SDAD1: variants seen among roughly 807,000 people sequenced by gnomAD.
The protein encoded by SDAD1 is SDA1 domain containing 1.
SDAD1 carries 79 observed loss-of-function variants against 100.3 expected under a neutral mutation model. The ratio of observed to expected loss-of-function variants is 0.79; its 90% confidence interval spans 0.66 to 0.95. The LOEUF (loss-of-function observed/expected upper bound fraction) is 0.95. Ranked by LOEUF, SDAD1 falls within the 40% of genes least tolerant of loss-of-function variation. SDAD1 has a pLI of 0.00. For missense variants in SDAD1, 790 were observed against 810.9 expected, an observed-to-expected ratio of 0.97 and a Z score of 0.31; for synonymous variants, 267 against 271.4, an observed-to-expected ratio of 0.98 and a Z score of 0.16.
chr4:75,971,218 T>C, intron 9 of SDAD1, 139 bp downstream of exon 9: 2 of 612,176 alleles, frequency 3.3e-6, no homozygotes, highest in Non-Finnish European at 5.7e-6. Flanking sequence ...TCTAAAATAT[T>C]AGTGCTTAAA....
chr4:75,978,982 G>GAAAAAAAAAAAAAAAAAAAAAA lies in SDAD1; in HGVS notation c.295-1248_295-1227dup, dbSNP rs538009004. On this transcript the variant is annotated intron_variant, in intron 3 of 21. Coordinates refer to ENST00000356260, the MANE Select transcript of SDAD1 (RefSeq NM_018115.4). ...CAGCTGAGTGACAGACCCTGTCTCAGAAAAAAAAAAAAAAAAAAAAAAAAA... is the reference window on the plus strand; with the variant it reads ...CAGCTGAGTGACAGACCCTGTCTCAGAAAAAAAAAAAAAAAAAAAAAAAAAAAAAAAAAAAAAAAAAAAAAAA... Among the ~76,000 whole-genome samples the GAAAAAAAAAAAAAAAAAAAAAA allele has an allele frequency of 2.4e-4, 9 of 38,064 alleles. 1 individual carries two copies. Among genetic ancestry groups the GAAAAAAAAAAAAAAAAAAAAAA allele is most frequent in the South Asian group, 1.9e-3 (1 of 534 alleles). 25.0% of individuals were successfully genotyped at this position (38,064 alleles called of 152,430 possible).
At chr4:75,986,619 C>T (rs981643998) in intron 1 of SDAD1, among the ~76,000 whole-genome samples, 1 of 152,194 alleles carries the variant, frequency 6.6e-6, no homozygotes, top group Non-Finnish European at 1.5e-5. Context: ...AAGGTCTTTG[C>T]TTCACTAGTC....
At chr4:75,967,672 G>A (rs577339595) in intron 11 of SDAD1, among the ~76,000 whole-genome samples, 1 of 152,296 alleles carries the variant, frequency 6.6e-6, no homozygotes, top group South Asian at 2.1e-4. Context: ...AAGGAGAGGG[G>A]ATTATAGGAA....
At chr4:75,962,988 A>G (rs1377836634) in intron 14 of SDAD1, among the ~76,000 whole-genome samples, 1 of 152,134 alleles carries the variant, frequency 6.6e-6, no homozygotes, top group Non-Finnish European at 1.5e-5. Flanking sequence ...CCTGAATGGT[A>G]TTGCCTAGGT....
Position 75,984,778 on chromosome 4 carries a change from AACACACACACACAC to A in SDAD1, c.91-2755_91-2742del, listed in dbSNP as rs35320227. On this transcript the variant is annotated intron_variant, in intron 1 of 21. Transcript: ENST00000356260. ...TATGTGACATACACACACACACACAAACACACACACACACACACACACACACACACACACTCTTT... is the reference window on the plus strand; with the variant it reads ...TATGTGACATACACACACACACACAAACACACACACACACACACACTCTTT... Among the ~76,000 whole-genome samples, 796 of 137,024 alleles carry A rather than the reference AACACACACACACAC, an allele frequency of 5.8e-3. 8 individuals are homozygous for A. Among genetic ancestry groups the A allele is most frequent in the Admixed American group, 9.0e-3 (123 of 13,712 alleles). The allele number at this position is 137,024 out of a possible 152,430, so 89.9% of individuals were successfully genotyped here. A position where few individuals can be genotyped will look rare whatever the true frequency, so the allele number is the denominator to read the frequency against.
Position 75,977,710 on chromosome 4 carries a change from T to C in SDAD1, c.341A>G (p.Asn114Ser), listed in dbSNP as rs144245634. 49 of 1,613,334 alleles carry C rather than the reference T, an allele frequency of 3.0e-5. 1 individual carries two copies. In the South Asian group the frequency reaches 4.3e-4, roughly 14 times the overall value. Residue 114 changes from asparagine (N) to serine (S), a missense_variant, in exon 4 of 22, where the codon AAT becomes AGT. By Grantham distance (46) the Asn-to-Ser change is conservative. Transcript: ENST00000356260. ...LILLRNKNLI[N>S]PSSLLELFFE... is the part of the protein sequence containing the mutation. ...GAAGAGTTCTAGCAGGCTTGATGGA[T>C]TGATGAGATTCTTATTTCTCAGCAA...
chr4:75,952,894 T>C (rs968761825), intron 21 of SDAD1, among the ~76,000 whole-genome samples: 8 of 152,272 alleles, frequency 5.3e-5, no homozygotes, highest in African/African-American at 1.9e-4. Context: ...ATTTTAGATA[T>C]ACTGGGTTAA....
intron 21 of SDAD1, among the ~76,000 whole-genome samples, chr4:75,952,628 G>C (rs190953556): frequency 6.6e-6 from 1 of 152,090 alleles, no homozygotes; most frequent in Non-Finnish European, 1.5e-5. Context: ...AGGGTAGGGG[G>C]GTGTGTGAAG....
chr4:75,987,498 T>A (rs1468125106), intron 1 of SDAD1, among the ~76,000 whole-genome samples: 1 of 151,714 alleles, frequency 6.6e-6, no homozygotes, highest in Non-Finnish European at 1.5e-5. Flanking sequence ...ATGTCGCTAA[T>A]TTTTTTTTGT....
intron 11 of SDAD1, among the ~76,000 whole-genome samples, chr4:75,968,442 AATG>A (rs1446342514): frequency 6.6e-6 from 1 of 152,190 alleles, no homozygotes; most frequent in African/African-American, 2.4e-5. Flanking sequence ...ACGAGATCAA[AATG>A]ATAAGGAAAA....
At chr4:75,958,401 G>C (rs1341642101) in intron 17 of SDAD1, among the ~76,000 whole-genome samples, 2 of 152,322 alleles carry the variant, frequency 1.3e-5, no homozygotes, top group East Asian at 3.9e-4. Context: ...CCACGTATGA[G>C]AATCTAGTTA....
chr4:75,986,214 G>C (rs1032081204), intron 1 of SDAD1, among the ~76,000 whole-genome samples: 1 of 152,134 alleles, frequency 6.6e-6, no homozygotes, highest in Admixed American at 6.5e-5. Flanking sequence ...AAACTCCTGG[G>C]TTTAATCAAT....
At chr4:75,990,244 G>A (rs1731161326) in intron 1 of SDAD1, among the ~76,000 whole-genome samples, 1 of 147,180 alleles carries the variant, frequency 6.8e-6, no homozygotes, top group South Asian at 2.2e-4. Flanking sequence ...AATATACTAA[G>A]CTCCCGAGTC....
At chr4:75,971,523 C>G (rs1729867937) in intron 8 of SDAD1, 65 bp from the exon 9 acceptor site, 1 of 1,158,158 alleles carries the variant, frequency 8.6e-7, no homozygotes, top group African/African-American at 1.5e-5. Flanking sequence ...AAAGAGTAAA[C>G]CTTTCAGCCA....
rs34627298 is a variant in SDAD1 at position 75,960,080 on chromosome 4, G to T, written c.1469C>A (p.Ala490Asp). The change falls in exon 17 of 22, where the codon GCT (alanine) becomes GAT (aspartate). Residue 490 changes from alanine to aspartate, a missense_variant. Ala to Asp is a moderately radical substitution (Grantham distance 126, BLOSUM62 -2). Coordinates refer to ENST00000356260, the MANE Select transcript of SDAD1 (RefSeq NM_018115.4). ...EVLEVEKEEN[A>D]ENDEDGWEST... ...TAAAAATCAACCTTCATCATTTTCA[G>T]CATTCTCTTCTTTCTCAACTTCCAG... 163,850 of 1,607,470 alleles carry T rather than the reference G, an allele frequency of 0.1. 9,170 individuals are homozygous for T. The highest frequency in any genetic ancestry group is 0.17 in the South Asian group (15,232 of 90,068).
chr4:75,977,895 T>C (rs768961094), intron 3 of SDAD1, 139 bp from the exon 4 acceptor site: 125 of 600,502 alleles, frequency 2.1e-4, no homozygotes, highest in Admixed American at 3.5e-4. Flanking sequence ...GTCTCTGCCT[T>C]CATGGAGCTT....
chr4:75,952,283 G>A (rs1050936232), intron 21 of SDAD1, among the ~76,000 whole-genome samples: 2 of 152,194 alleles, frequency 1.3e-5, no homozygotes, highest in African/African-American at 4.8e-5. Context: ...CTCATGCTAA[G>A]AACTAAATGT....
Position 75,957,697 on chromosome 4 carries a change from C to T in SDAD1, c.1590G>A (p.Leu530=). The change falls in exon 19 of 22, where the codon CTG becomes CTA. Residue 530 remains leucine (L), a synonymous_variant. Transcript: ENST00000356260. ...DEEQQEISKK[L]NSMPMEERKA... ...TCCGCTCCTCCATGGGCATGCTGTT[C>T]AGCTTCTTGGACTTGAAACCACACA... 6.2e-7 allele frequency: 1 copy of T among 1,614,184 alleles called. No homozygotes were observed. The highest frequency in any genetic ancestry group is 2.2e-5 in the East Asian group (1 of 44,892).
At chr4:75,976,062 A>G in intron 4 of SDAD1, 67 bp from the exon 5 acceptor site, 2 of 1,004,250 alleles carry the variant, frequency 2.0e-6, no homozygotes, top group South Asian at 2.9e-5. Context: ...CTAAATTTGG[A>G]GAACAGTATG....
Sources: gnomAD v4.1 joint callset for allele counts (sites outside exome capture counted in the v4.1 genomes callset) on GRCh38, gnomAD v4.1.1 for gene constraint, MANE v1.5 for transcripts, NCBI Gene and HGNC (gene_info 2026-07-23, HGNC 2026-07-21) for gene names.